The following PTPRG variants were observed in gnomAD, a reference collection of about 807,000 sequenced individuals.
PTPRG encodes the protein receptor-type tyrosine-protein phosphatase gamma.
A neutral mutation model predicts 165.3 loss-of-function variants in PTPRG; 102 were observed. The observed-to-expected ratio is 0.62, with a 90% confidence interval of 0.53 to 0.73. The LOEUF is 0.73. Among genes scored for constraint, PTPRG ranks in the 30% least tolerant of loss-of-function variants. The probability of loss-of-function intolerance (pLI) is 0.00; values close to 1 mark genes in which losing one functional copy is unlikely to be tolerated. For missense variants in PTPRG, 1,866 were observed against 1,861.4 expected, an observed-to-expected ratio of 1.00 and a Z score of -0.05; for synonymous variants, 675 against 669.5, an observed-to-expected ratio of 1.01 and a Z score of -0.13.
At chr3:61,597,103 A>G (rs1407227927) in intron 1 of PTPRG, among the ~76,000 whole-genome samples, 1 of 152,102 alleles carries the variant, frequency 6.6e-6, no homozygotes, top group African/African-American at 2.4e-5. Flanking sequence ...TAGTCCTTTT[A>G]TAAGGAACTT....
chr3:61,739,312 A>G (rs1343136246), intron 1 of PTPRG: 1 of 152,100 alleles, frequency 6.6e-6, no homozygotes, highest in African/African-American at 2.4e-5. Context: ...ACTGTTAATA[A>G]TATTGGGAAC....
chr3:61,989,799 A>G lies in PTPRG; in HGVS notation c.365A>G (p.Lys122Arg). The change falls in exon 3 of 30, where the codon AAA (lysine) becomes AGA (arginine). Residue 122 changes from lysine (K) to arginine (R), a missense_variant. Coordinates refer to ENST00000474889, the MANE Select transcript of PTPRG (RefSeq NM_002841.4). ...SNKTWMKNTG[K>R]TVAILLKDDY... ...AAAACCTGGATGAAAAACACAGGGA[A>G]AACAGGTAGACAATGGCTTCTTTAT... is the stretch of plus-strand genomic sequence containing the variant. 1 of 1,613,944 alleles carries G rather than the reference A, an allele frequency of 6.2e-7. No individual in the cohort carries two copies.
chr3:62,081,084 C>G (rs1263003724), intron 5 of PTPRG, among the ~76,000 whole-genome samples: 1 of 151,512 alleles, frequency 6.6e-6, no homozygotes, highest in African/African-American at 2.4e-5. Flanking sequence ...GGTGAAACCC[C>G]ATCTCTACTA....
chr3:62,071,245 TG>T (rs1422339594), intron 4 of PTPRG, among the ~76,000 whole-genome samples: 2 of 152,164 alleles, frequency 1.3e-5, no homozygotes, highest in Non-Finnish European at 2.9e-5. Context: ...GGACCATGTG[TG>T]GGGGGCACGT....
chr3:61,836,009 C>T (rs1376441599), intron 2 of PTPRG, among the ~76,000 whole-genome samples: 1 of 151,454 alleles, frequency 6.6e-6, no homozygotes, highest in Non-Finnish European at 1.5e-5. Flanking sequence ...CATTGCACTC[C>T]AGCCTGGGCA....
chr3:62,263,019 C>T (rs1309056139), intron 17 of PTPRG, 125 bp downstream of exon 17: 11 of 694,788 alleles, frequency 1.6e-5, no homozygotes, highest in Non-Finnish European at 2.2e-5. Context: ...AAGCTAACCT[C>T]TCATTAGCCC....
chr3:61,937,620 C>G (rs143521835), intron 2 of PTPRG, among the ~76,000 whole-genome samples: 2 of 152,330 alleles, frequency 1.3e-5, no homozygotes, highest in Non-Finnish European at 2.9e-5. Flanking sequence ...TAAGTTCTCT[C>G]TTCTTTTCTT....
Position 62,275,938 on chromosome 3 carries a change from A to C in PTPRG, c.3531A>C (p.Glu1177Asp), listed in dbSNP as rs199721492. ...GTGCTCAGAAAGAGTGTAACAAAGAAAAGAACAGAAACTCTTCAGTTGTGC... is the reference window on the plus strand; with the variant it reads ...GTGCTCAGAAAGAGTGTAACAAAGACAAGAACAGAAACTCTTCAGTTGTGC... ...CFSAQKECNKEKNRNSSVVPS... is the reference protein window; with the variant it reads ...CFSAQKECNKDKNRNSSVVPS... The change falls in exon 24 of 30, where the codon GAA becomes GAC. Residue 1177 changes from glutamate (E) to aspartate (D), a missense_variant. By Grantham distance (45) the Glu-to-Asp change is conservative (BLOSUM62 2). Transcript: ENST00000474889. The C allele has an allele frequency of 4.3e-6, 7 of 1,611,272 alleles. No homozygotes were observed. The Admixed American group carries it at 1.0e-4, about 23-fold the overall frequency.
At chr3:62,017,194 C>G (rs988938002) in intron 4 of PTPRG, among the ~76,000 whole-genome samples, 11 of 152,084 alleles carry the variant, frequency 7.2e-5, no homozygotes, top group African/African-American at 2.7e-4. Context: ...GTATTCTTAT[C>G]TTGTGGGCCT....
rs1399519218 is a variant in PTPRG at position 61,657,646 on chromosome 3, C to T, written c.86-91232C>T. Among the ~76,000 whole-genome samples the T allele has an allele frequency of 3.9e-5, 6 of 152,212 alleles. No individual in the cohort carries two copies. In the East Asian group the frequency reaches 9.7e-4, roughly 25 times the overall value. On this transcript the variant is annotated intron_variant, in intron 1 of 29. Coordinates refer to ENST00000474889, the MANE Select transcript of PTPRG (RefSeq NM_002841.4). ...ATTTGTTTTCTTGGGATTCATTGTG[C>T]CCTAGTGTCTCCTGTATGTGCCGTC... is the stretch of plus-strand genomic sequence containing the variant.
chr3:62,285,672 T>G (rs1165559110), intron 28 of PTPRG, among the ~76,000 whole-genome samples: 1 of 152,156 alleles, frequency 6.6e-6, no homozygotes, highest in African/African-American at 2.4e-5. Context: ...AGCATTCTAT[T>G]GTCAACTGTT....
chr3:61,597,134 A>G (rs890821823), intron 1 of PTPRG, among the ~76,000 whole-genome samples: 1 of 151,718 alleles, frequency 6.6e-6, no homozygotes, highest in African/African-American at 2.4e-5. Flanking sequence ...TAACAAACCC[A>G]CTCCCTCCTT....
chr3:61,912,589 T>TTTC (rs1441688780), intron 2 of PTPRG, among the ~76,000 whole-genome samples: 1 of 152,236 alleles, frequency 6.6e-6, no homozygotes, highest in African/African-American at 2.4e-5. Context: ...CCGACAGTCT[T>TTTC]TTCTAAAAGT....
intron 24 of PTPRG, 86 bp from the exon 25 acceptor site, chr3:62,276,886 A>AT: frequency 1.0e-6 from 1 of 990,032 alleles, no homozygotes; most frequent in African/African-American, 1.6e-5. Context: ...AGGATATGTT[A>AT]TTCATCAAGC....
At chr3:62,201,602 G>A (rs1198006920) in intron 11 of PTPRG, 48 bp downstream of exon 11, 2 of 1,586,974 alleles carry the variant, frequency 1.3e-6, no homozygotes, top group African/African-American at 1.3e-5. Context: ...TTGTTAATTT[G>A]CTTGCAGTTA....
At chr3:62,260,357 A>G (rs550570266) in intron 16 of PTPRG, among the ~76,000 whole-genome samples, 3 of 152,330 alleles carry the variant, frequency 2.0e-5, no homozygotes, top group Admixed American at 2.0e-4. Flanking sequence ...GTATAGTAGG[A>G]CAGTAGGTCT....
rs1388140984 is a variant in PTPRG, at chr3:62,078,171, T to G, written c.528T>G (p.Ile176Met). ...TTTAATTGTTCTTACAGATGCAGAT[T>G]TTCTTTTACAATCCAGATGACTTTG... is the stretch of plus-strand genomic sequence containing the variant. ...NGRRFPVEMQ[I>M]FFYNPDDFDS... is the part of the protein sequence containing the mutation. Residue 176 changes from isoleucine (I) to methionine (M), a missense_variant, in exon 5 of 30, where the codon ATT becomes ATG. This residue lies in a region of PTPRG where 408 missense variants were observed against 376.2 expected (regional missense o/e 1.08). Coordinates refer to ENST00000474889, the MANE Select transcript of PTPRG (RefSeq NM_002841.4). 22 of 1,596,514 alleles carry G rather than the reference T, an allele frequency of 1.4e-5. No individual in the cohort carries two copies. Among genetic ancestry groups the G allele is most frequent in the Non-Finnish European group, 1.9e-5 (22 of 1,171,070 alleles).
chr3:61,812,995 T>C (rs1349138783), intron 2 of PTPRG, among the ~76,000 whole-genome samples: 1 of 152,172 alleles, frequency 6.6e-6, no homozygotes, highest in Non-Finnish European at 1.5e-5. Flanking sequence ...TTTTGTTACA[T>C]GCAAAGAATA....
chr3:62,267,757 A>G lies in PTPRG; in HGVS notation c.2812A>G (p.Met938Val). Reference protein sequence around the residue: ...LKSTFEDFWRMIWEQNTGIIV... With the variant: ...LKSTFEDFWRVIWEQNTGIIV... The stretch of plus-strand genomic sequence containing the variant: ...GTCTACATTTGAAGATTTCTGGAGG[A>G]TGATTTGGGAACAAAACACTGGAAT... The change falls in exon 19 of 30, where the codon ATG becomes GTG. Residue 938 changes from methionine to valine, a missense_variant. By Grantham distance (21) the Met-to-Val change is conservative (BLOSUM62 1). This residue lies in a region of PTPRG where 1,452 missense variants were observed against 1,463.0 expected (regional missense o/e 0.99). Coordinates refer to ENST00000474889, the MANE Select transcript of PTPRG (RefSeq NM_002841.4). The G allele has an allele frequency of 6.2e-7, 1 of 1,613,570 alleles. No homozygotes were observed. The highest frequency in any genetic ancestry group is 8.5e-7 in the Non-Finnish European group (1 of 1,179,540).
Sources: gnomAD v4.1 joint callset for allele counts (sites outside exome capture counted in the v4.1 genomes callset) on GRCh38, gnomAD v4.1.1 for gene constraint, gnomAD v4.1.1 regional missense constraint, MANE v1.5 for transcripts, NCBI Gene and HGNC (gene_info 2026-07-23, HGNC 2026-07-21) for gene names.